The following GABRB1 variants were observed in gnomAD, a reference collection of about 807,000 sequenced individuals.
GABRB1 encodes the protein gamma-aminobutyric acid receptor subunit beta-1.
In GABRB1, 17 loss-of-function variants were observed where a neutral mutation model predicts 51.6. The observed-to-expected ratio is 0.33, with a 90% CI of 0.23 to 0.49. GABRB1 has a LOEUF of 0.49. GABRB1 is among the 20% of genes least tolerant of loss of function. The pLI, the probability that GABRB1 is intolerant of heterozygous loss-of-function variation, is 0.99. For missense variants in GABRB1, 410 were observed against 600.6 expected, an observed-to-expected ratio of 0.68 and a Z score of 3.32; for synonymous variants, 247 against 218.9, an observed-to-expected ratio of 1.13 and a Z score of -1.14.
chr4:47,255,613 G>A (rs1324884246), intron 4 of GABRB1, among the ~76,000 whole-genome samples: 2 of 152,182 alleles, frequency 1.3e-5, no homozygotes, highest in African/African-American at 4.8e-5. Flanking sequence ...ATGCCAGAAG[G>A]GTGATGATCG....
chr4:47,353,553 G>T (rs558661070), intron 5 of GABRB1, among the ~76,000 whole-genome samples: 17 of 152,244 alleles, frequency 1.1e-4, no homozygotes, highest in African/African-American at 3.9e-4. Context: ...TGATATAATA[G>T]AAAGGACACC....
chr4:47,040,026 G>A (rs1291422830), intron 3 of GABRB1, among the ~76,000 whole-genome samples: 1 of 152,156 alleles, frequency 6.6e-6, no homozygotes, highest in Non-Finnish European at 1.5e-5. Flanking sequence ...AGGACCAGAA[G>A]TGCACTGCAG....
chr4:47,071,653 T>C (rs541457573), intron 3 of GABRB1, among the ~76,000 whole-genome samples: 31 of 151,452 alleles, frequency 2.0e-4, no homozygotes, highest in Admixed American at 1.4e-3. Context: ...TTTTCTTTTT[T>C]TTTTTTTTCC....
intron 1 of GABRB1, among the ~76,000 whole-genome samples, chr4:46,994,835 T>C (rs902793870): frequency 3.9e-5 from 6 of 152,218 alleles, no homozygotes; most frequent in Admixed American, 1.3e-4. Context: ...CTCTGATGAT[T>C]TGTTCAAATT....
intron 4 of GABRB1, among the ~76,000 whole-genome samples, chr4:47,316,263 T>A (rs1724884661): frequency 2.0e-5 from 3 of 151,820 alleles, no homozygotes; most frequent in Admixed American, 1.3e-4. Context: ...AGGTCTTTGG[T>A]AACTACCACT....
chr4:47,352,839 T>C (rs1004642220), intron 5 of GABRB1, among the ~76,000 whole-genome samples: 12 of 152,222 alleles, frequency 7.9e-5, no homozygotes, highest in Non-Finnish European at 1.3e-4. Context: ...GAGTATAGGA[T>C]GTTCAGAGAT....
At chr4:47,242,206 G>A (rs952358912) in intron 4 of GABRB1, among the ~76,000 whole-genome samples, 2 of 152,132 alleles carry the variant, frequency 1.3e-5, no homozygotes, top group African/African-American at 2.4e-5. Flanking sequence ...TCCCTACAAA[G>A]GACATGAACT....
At chr4:47,050,395 G>A (rs1726291959) in intron 3 of GABRB1, among the ~76,000 whole-genome samples, 1 of 151,862 alleles carries the variant, frequency 6.6e-6, no homozygotes, top group African/African-American at 2.4e-5. Flanking sequence ...TAGTAGAAAG[G>A]AAATACTGTC....
At chr4:47,016,737 G>A (rs1237765377) in intron 1 of GABRB1, among the ~76,000 whole-genome samples, 1 of 151,804 alleles carries the variant, frequency 6.6e-6, no homozygotes, top group Non-Finnish European at 1.5e-5. Context: ...TACAGGCGCC[G>A]ACCACCATGC....
chr4:47,011,583 T>A (rs191359685), intron 1 of GABRB1, among the ~76,000 whole-genome samples: 1 of 152,184 alleles, frequency 6.6e-6, no homozygotes, highest in Non-Finnish European at 1.5e-5. Flanking sequence ...TTTGTGGGCA[T>A]GCACATCTGT....
intron 3 of GABRB1, among the ~76,000 whole-genome samples, chr4:47,084,106 T>C (rs1434598421): frequency 6.6e-6 from 1 of 152,230 alleles, no homozygotes; most frequent in Non-Finnish European, 1.5e-5. Flanking sequence ...AATATGAATG[T>C]AAACCAGCTA....
At chr4:47,208,664 A>C (rs994352538) in intron 4 of GABRB1, among the ~76,000 whole-genome samples, 1 of 152,110 alleles carries the variant, frequency 6.6e-6, no homozygotes, top group South Asian at 2.1e-4. Context: ...GGACATCAAT[A>C]GTTGTGAAAG....
chr4:47,338,928 A>T (rs1218308234), intron 5 of GABRB1, among the ~76,000 whole-genome samples: 4 of 152,178 alleles, frequency 2.6e-5, no homozygotes, highest in African/African-American at 9.6e-5. Flanking sequence ...AAAAATATCC[A>T]TTTGTAGATT....
At chr4:47,377,288 C>T (rs1727417351) in intron 5 of GABRB1, among the ~76,000 whole-genome samples, 2 of 152,108 alleles carry the variant, frequency 1.3e-5, no homozygotes, top group African/African-American at 4.8e-5. Flanking sequence ...GGATTGTGTC[C>T]GGAATTGGTG....
At chr4:47,275,547 T>G (rs183170155) in intron 4 of GABRB1, among the ~76,000 whole-genome samples, 1 of 152,266 alleles carries the variant, frequency 6.6e-6, no homozygotes, top group African/African-American at 2.4e-5. Flanking sequence ...AGTCTCAGCA[T>G]AAGGAATCAA....
rs191134640 is a variant in GABRB1 at position 47,212,225 on chromosome 4, T to C, written c.461+50756T>C. Among the ~76,000 whole-genome samples the C allele has an allele frequency of 7.5e-4, 115 of 152,344 alleles. 1 individual carries two copies. The highest frequency in any genetic ancestry group is 2.3e-3 in the African/African-American group (95 of 41,596). The stretch of plus-strand genomic sequence containing the variant: ...TGGAAAAATAAGTACTCTGTCCTCA[T>C]GCTCTTCCACCTCTGATCTCCTGCC... On this transcript the variant is annotated intron_variant, in intron 4 of 8. Transcript: ENST00000295454.
chr4:47,062,594 G>A (rs967128148), intron 3 of GABRB1, among the ~76,000 whole-genome samples: 2 of 151,918 alleles, frequency 1.3e-5, no homozygotes, highest in African/African-American at 4.8e-5. Flanking sequence ...TTCTTCAAAA[G>A]CAATATTTAT....
chr4:47,067,665 C>T (rs113413631), intron 3 of GABRB1, among the ~76,000 whole-genome samples: 44 of 151,920 alleles, frequency 2.9e-4, no homozygotes, highest in African/African-American at 1.0e-3. Context: ...ATTTGAGTCT[C>T]GCTCTGTCGC....
upstream of GABRB1, among the ~76,000 whole-genome samples, chr4:47,026,679 T>C (rs1004538951): frequency 1.1e-4 from 17 of 152,138 alleles, no homozygotes; most frequent in African/African-American, 4.1e-4. Context: ...TCTACTTGGA[T>C]AGCATGGTCT....
Sources: allele counts gnomAD v4.1 joint callset (sites outside exome capture counted in the v4.1 genomes callset), GRCh38; gene constraint gnomAD v4.1.1; transcripts MANE v1.5; gene names NCBI Gene and HGNC (gene_info 2026-07-23, HGNC 2026-07-21).